CEP192: variants seen among roughly 807,000 people sequenced by gnomAD.
CEP192 encodes the protein centrosomal protein 192, also known as centrosomal protein of 192 kDa.
Under a neutral mutation model 271.8 loss-of-function variants are expected in CEP192, and 151 were observed. The ratio of observed to expected loss-of-function variants is 0.56; its 90% CI spans 0.49 to 0.64. The LOEUF is 0.64. Among genes scored for constraint, CEP192 ranks in the 30% least tolerant of loss-of-function variants. The pLI, the probability that CEP192 is intolerant of heterozygous loss-of-function variation, is 0.00. For missense variants in CEP192, 2,910 were observed against 3,020.5 expected (o/e 0.96, Z 0.86); for synonymous variants, 995 against 1,076.5 (o/e 0.92, Z 1.48).
chr18:13,085,218 C>A (rs2038841335), intron 30 of CEP192, among the ~76,000 whole-genome samples: 1 of 152,012 alleles, frequency 6.6e-6, no homozygotes, highest in Non-Finnish European at 1.5e-5. Flanking sequence ...CTGTTCATAT[C>A]CTTTGCCCAC....
At chr18:13,031,982 G>A (rs2035656536) in intron 11 of CEP192, among the ~76,000 whole-genome samples, 1 of 152,188 alleles carries the variant, frequency 6.6e-6, no homozygotes, top group Non-Finnish European at 1.5e-5. Flanking sequence ...AGGATAAAGG[G>A]AGAGTGGCCG....
chr18:13,055,739 T>C (rs764577753), intron 18 of CEP192, 41 bp from the exon 19 acceptor site: 2 of 1,317,906 alleles, frequency 1.5e-6, no homozygotes, highest in Non-Finnish European at 2.1e-6. Flanking sequence ...TTATATTAAG[T>C]TTATCTGTGG....
At chr18:13,098,401 G>C (rs2039523078) in intron 36 of CEP192, among the ~76,000 whole-genome samples, 1 of 152,050 alleles carries the variant, frequency 6.6e-6, no homozygotes, top group Non-Finnish European at 1.5e-5. Flanking sequence ...CTGCCGGGCG[G>C]AGGGGCTCCT....
At chr18:13,016,457 G>T (rs1445609585) in intron 6 of CEP192, among the ~76,000 whole-genome samples, 1 of 152,232 alleles carries the variant, frequency 6.6e-6, no homozygotes, top group African/African-American at 2.4e-5. Flanking sequence ...CTGATGAGCG[G>T]AGTGAGCATC....
At chr18:13,055,303 G>A (rs1026496732) in intron 18 of CEP192, among the ~76,000 whole-genome samples, 5 of 151,120 alleles carry the variant, frequency 3.3e-5, no homozygotes, top group South Asian at 2.1e-4. Flanking sequence ...AAAAGTTAAC[G>A]TCTTTGAATC....
At chr18:13,001,112 T>C (rs760738039) in intron 2 of CEP192, among the ~76,000 whole-genome samples, 6 of 152,260 alleles carry the variant, frequency 3.9e-5, no homozygotes, top group Non-Finnish European at 5.9e-5. Context: ...TTGCATAATA[T>C]ATAAAGTTTG....
intron 9 of CEP192, among the ~76,000 whole-genome samples, chr18:13,019,973 G>C (rs943319249): frequency 6.6e-6 from 1 of 151,748 alleles, no homozygotes; most frequent in Non-Finnish European, 1.5e-5. Context: ...TCACCACCTG[G>C]TTAATTTTTG....
chr18:13,095,951 A>C (rs1019016993), intron 35 of CEP192, among the ~76,000 whole-genome samples: 4 of 152,164 alleles, frequency 2.6e-5, no homozygotes, highest in African/African-American at 4.8e-5. Context: ...TTCAGAGTAG[A>C]GTGAATCTGC....
Position 13,049,254 on chromosome 18 carries a change from C to T in CEP192, c.2463C>T (p.Asp821=). The T allele has an allele frequency of 3.7e-6, 6 of 1,614,148 alleles. No homozygotes were observed. Among genetic ancestry groups the T allele is most frequent in the Middle Eastern group, 1.6e-4 (1 of 6,062 alleles). The change falls in exon 16 of 45, where the codon GAC becomes GAT. Residue 821 remains aspartate, a synonymous_variant. Coordinates refer to ENST00000506447, the MANE Select transcript of CEP192 (RefSeq NM_032142.4). Reference sequence around the variant, plus strand: ...TGCCCAAAGAACAAACTACTCAAGACATTCATCCGGTGGACTTAAGTGCTA... The same window carrying T: ...TGCCCAAAGAACAAACTACTCAAGATATTCATCCGGTGGACTTAAGTGCTA... ...LSLPKEQTTQ[D]IHPVDLSATS...
intron 38 of CEP192, among the ~76,000 whole-genome samples, chr18:13,101,798 C>G (rs2144899379): frequency 6.6e-6 from 1 of 152,288 alleles, no homozygotes; most frequent in East Asian, 1.9e-4. Context: ...GTTCTCTGGC[C>G]TCCCTGAGAC....
intron 9 of CEP192, among the ~76,000 whole-genome samples, chr18:13,029,326 A>G (rs1201295455): frequency 6.6e-6 from 1 of 152,192 alleles, no homozygotes; most frequent in Non-Finnish European, 1.5e-5. Context: ...TAGGCTTACC[A>G]TGTTTGTGGA....
intron 21 of CEP192, among the ~76,000 whole-genome samples, chr18:13,062,790 G>A (rs1010251819): frequency 9.2e-5 from 14 of 152,218 alleles, no homozygotes; most frequent in Middle Eastern, 3.4e-3. Flanking sequence ...ATTGGCTATA[G>A]TCATCCTATT....
intron 1 of CEP192, 150 bp downstream of exon 1, chr18:12,991,587 A>G (rs2145707001): frequency 6.5e-6 from 1 of 152,738 alleles, no homozygotes; most frequent in South Asian, 2.1e-4. Context: ...GGGCGCGAGC[A>G]AGGGGACTGC....
intron 36 of CEP192, 98 bp from the exon 37 acceptor site, chr18:13,099,378 G>T: frequency 1.6e-6 from 1 of 637,882 alleles, no homozygotes; most frequent in South Asian, 2.1e-5. Flanking sequence ...GAGCAGTGAG[G>T]AAATGGCCAT....
At chr18:13,011,827 C>T (rs1195852851) in intron 4 of CEP192, among the ~76,000 whole-genome samples, 2 of 152,202 alleles carry the variant, frequency 1.3e-5, no homozygotes, top group Admixed American at 1.3e-4. Flanking sequence ...TGTGTCCGAC[C>T]TCACAGAAAA....
intron 36 of CEP192, among the ~76,000 whole-genome samples, chr18:13,098,180 G>A (rs2039504212): frequency 6.6e-6 from 1 of 152,226 alleles, no homozygotes; most frequent in South Asian, 2.1e-4. Context: ...AGACGGGGTG[G>A]TGGCCAGGCA....
At chr18:13,082,910 G>A (rs866947223) in intron 30 of CEP192, among the ~76,000 whole-genome samples, 3 of 152,138 alleles carry the variant, frequency 2.0e-5, no homozygotes, top group Non-Finnish European at 2.9e-5. Context: ...TGAAATTCTG[G>A]GTTGAAAATT....
intron 43 of CEP192, 64 bp from the exon 44 acceptor site, chr18:13,117,521 T>A: frequency 8.6e-7 from 1 of 1,159,466 alleles, no homozygotes; most frequent in Non-Finnish European, 1.3e-6. Context: ...ATGCTTGGTA[T>A]GCTTATATAT....
chr18:13,087,356 C>G (rs2038944885), intron 31 of CEP192, 79 bp downstream of exon 31: 2 of 1,259,936 alleles, frequency 1.6e-6, no homozygotes, highest in Admixed American at 2.4e-5. Flanking sequence ...AAGCCAAAAG[C>G]TAAAATAATA....
Sources: allele counts gnomAD v4.1 joint callset (sites outside exome capture counted in the v4.1 genomes callset), GRCh38; gene constraint gnomAD v4.1.1; transcripts MANE v1.5; gene names NCBI Gene and HGNC (gene_info 2026-07-23, HGNC 2026-07-21).